MCC: variants seen among roughly 807,000 people sequenced by gnomAD.
MCC encodes the protein MCC regulator of Wnt signaling pathway.
In MCC, 90 loss-of-function variants were observed where a neutral mutation model predicts 116.2. The ratio of observed to expected loss-of-function variants is 0.77; its 90% confidence interval spans 0.65 to 0.92. The LOEUF (loss-of-function observed/expected upper bound fraction) is 0.92. MCC is among the 40% of genes least tolerant of loss of function. MCC has a pLI of 0.00. For missense variants in MCC, 1,516 were observed against 1,312.2 expected, an observed-to-expected ratio of 1.16 and a Z score of -2.40; for synonymous variants, 578 against 510.5, an observed-to-expected ratio of 1.13 and a Z score of -1.78.
intron 3 of MCC, among the ~76,000 whole-genome samples, chr5:113,223,189 T>C (rs975146674): frequency 2.6e-5 from 4 of 152,196 alleles, no homozygotes; most frequent in African/African-American, 9.7e-5. Flanking sequence ...AGGAGATTTA[T>C]CATGCAACGT....
chr5:113,256,428 GGAAA>G (rs1226913563), intron 3 of MCC, among the ~76,000 whole-genome samples: 1 of 152,172 alleles, frequency 6.6e-6, no homozygotes, highest in Non-Finnish European at 1.5e-5. Context: ...GGTTCAGACA[GGAAA>G]GAGTCACCAA....
chr5:113,412,597 C>G (rs1770021675), intron 1 of MCC, among the ~76,000 whole-genome samples: 1 of 152,144 alleles, frequency 6.6e-6, no homozygotes, highest in African/African-American at 2.4e-5. Context: ...TATAGGAATG[C>G]TTGTGATTTT....
At chr5:113,259,722 T>C (rs569852799) in intron 3 of MCC, among the ~76,000 whole-genome samples, 21 of 152,194 alleles carry the variant, frequency 1.4e-4, no homozygotes, top group African/African-American at 4.6e-4. Context: ...TGTTCCATTA[T>C]TGGAACACTA....
chr5:113,247,523 A>C (rs1026443446), intron 3 of MCC, among the ~76,000 whole-genome samples: 1 of 152,218 alleles, frequency 6.6e-6, no homozygotes, highest in Non-Finnish European at 1.5e-5. Flanking sequence ...AAATTTCTTC[A>C]CATGGAAGTT....
chr5:113,387,030 T>A (rs1010155544), intron 1 of MCC, among the ~76,000 whole-genome samples: 1 of 152,144 alleles, frequency 6.6e-6, no homozygotes, highest in Non-Finnish European at 1.5e-5. Context: ...TCTAACTTGC[T>A]TTGGCCCCTC....
Position 113,053,830 on chromosome 5 carries a change from T to G in MCC, c.2343A>C (p.Glu781Asp), listed in dbSNP as rs1482871029. Residue 781 changes from glutamate (E) to aspartate (D), a missense_variant, in exon 15 of 19, where the codon GAA becomes GAC. Physicochemically the swap from Glu to Asp is conservative, Grantham distance 45 (BLOSUM62 2). Coordinates refer to ENST00000408903, the MANE Select transcript of MCC (RefSeq NM_001085377.2). The part of the protein sequence containing the change: ...AAVKLTMLEL[E>D]SIHIDPLSYD... ...AGCTGAGAGGATCGATGTGGATGCT[T>G]TCCAGCTCCAGCATGGTCAGCTTGA... 1 of 1,614,038 alleles carries G rather than the reference T, an allele frequency of 6.2e-7. No homozygotes were observed. Among genetic ancestry groups the G allele is most frequent in the Non-Finnish European group, 8.5e-7 (1 of 1,180,034 alleles).
At chr5:113,071,297 G>T in intron 11 of MCC, 63 bp from the exon 12 acceptor site, 1 of 1,558,242 alleles carries the variant, frequency 6.4e-7, no homozygotes. Context: ...TATTTCAGTT[G>T]TCTCATTTAT....
intron 3 of MCC, among the ~76,000 whole-genome samples, chr5:113,191,004 G>A (rs1044548482): frequency 6.6e-6 from 1 of 152,194 alleles, no homozygotes; most frequent in Admixed American, 6.5e-5. Context: ...CTGATAGCTG[G>A]ATCTCAGCAG....
At chr5:113,264,697 A>G (rs1268680147) in intron 3 of MCC, among the ~76,000 whole-genome samples, 1 of 152,180 alleles carries the variant, frequency 6.6e-6, no homozygotes, top group Non-Finnish European at 1.5e-5. Flanking sequence ...CAAAAGAAGA[A>G]TATCTTATGA....
intron 3 of MCC, among the ~76,000 whole-genome samples, chr5:113,314,668 A>G (rs946723365): frequency 6.6e-6 from 1 of 151,952 alleles, no homozygotes; most frequent in Admixed American, 6.6e-5. Context: ...GCCTACTGCA[A>G]CCTCTGCCTC....
chr5:113,335,324 G>A (rs1767845400), intron 3 of MCC, among the ~76,000 whole-genome samples: 1 of 151,550 alleles, frequency 6.6e-6, no homozygotes, highest in Middle Eastern at 3.2e-3. Context: ...TTGTCCACAT[G>A]GCTTCTCTTC....
intron 3 of MCC, among the ~76,000 whole-genome samples, chr5:113,183,707 C>A (rs764802419): frequency 6.6e-6 from 1 of 152,156 alleles, no homozygotes; most frequent in Non-Finnish European, 1.5e-5. Context: ...CAGCCCATCT[C>A]AAGAGCACCA....
At chr5:113,120,375 G>C (rs1757665834) in intron 6 of MCC, among the ~76,000 whole-genome samples, 1 of 152,178 alleles carries the variant, frequency 6.6e-6, no homozygotes, top group African/African-American at 2.4e-5. Flanking sequence ...ACATAATTCT[G>C]CCTGGCTTAA....
At chr5:113,039,096 G>A (rs911038014) in intron 17 of MCC, among the ~76,000 whole-genome samples, 2 of 152,194 alleles carry the variant, frequency 1.3e-5, no homozygotes, top group African/African-American at 2.4e-5. Flanking sequence ...GTGCCTGTGA[G>A]GCAGCACCAT....
rs563932744 is a variant in MCC at position 113,107,701 on chromosome 5, A to C, written c.1028-3346T>G. Among the ~76,000 whole-genome samples, 26 of 152,340 alleles carry C rather than the reference A, an allele frequency of 1.7e-4. No homozygotes were observed. The South Asian group carries it at 5.4e-3, about 32-fold the overall frequency. ...CCTGAGTTATGTGCATTAAGTGCTCATGAGTGAGATATTCATGAAATATTC... is the reference window on the plus strand; with the variant it reads ...CCTGAGTTATGTGCATTAAGTGCTCCTGAGTGAGATATTCATGAAATATTC... On this transcript the variant is annotated intron_variant, in intron 6 of 18. Transcript: ENST00000408903.
intron 3 of MCC, among the ~76,000 whole-genome samples, chr5:113,288,461 C>T (rs971370): frequency 0.15 from 22,652 of 152,156 alleles, 2,451 homozygotes; most frequent in Admixed American, 0.28. Context: ...TCTCTCCCAA[C>T]CCCCACTGAA....
At chr5:113,310,887 A>G (rs990009553) in intron 3 of MCC, among the ~76,000 whole-genome samples, 1 of 152,198 alleles carries the variant, frequency 6.6e-6, no homozygotes, top group Non-Finnish European at 1.5e-5. Context: ...TTCATATTCC[A>G]TCCTTCCTTC....
At chr5:113,146,523 GA>G (rs1759532168) in intron 4 of MCC, among the ~76,000 whole-genome samples, 1 of 151,760 alleles carries the variant, frequency 6.6e-6, no homozygotes, top group South Asian at 2.1e-4. Context: ...AGAGAGCTAG[GA>G]AAGCCCAAAG....
At chr5:113,097,982 T>C (rs1474953689) in intron 8 of MCC, among the ~76,000 whole-genome samples, 1 of 152,134 alleles carries the variant, frequency 6.6e-6, no homozygotes, top group Non-Finnish European at 1.5e-5. Context: ...TAGAGCACAG[T>C]GTGTAAAGAA....
Sources: gnomAD v4.1 joint callset for allele counts (sites outside exome capture counted in the v4.1 genomes callset) on GRCh38, gnomAD v4.1.1 for gene constraint, MANE v1.5 for transcripts, NCBI Gene and HGNC (gene_info 2026-07-23, HGNC 2026-07-21) for gene names.